TMEM170A: variants seen among roughly 807,000 people sequenced by gnomAD.
TMEM170A encodes the protein transmembrane protein 170.
TMEM170A carries 18 observed loss-of-function variants against 12.8 expected under a neutral mutation model. That is an observed-to-expected ratio of 1.41 (90% CI 0.97 to 2.09). The LOEUF is 2.09. Among genes scored for constraint, TMEM170A ranks in the 30% most tolerant of loss-of-function variants. The probability of loss-of-function intolerance (pLI) is 0.00; values close to 1 mark genes in which losing one functional copy is unlikely to be tolerated. For missense variants in TMEM170A, 220 were observed against 179.9 expected (o/e 1.22, Z -1.28); for synonymous variants, 107 against 76.2 (o/e 1.40, Z -2.11).
chr16:75,449,403 C>A (rs2079642297), intron 2 of TMEM170A, among the ~76,000 whole-genome samples: 1 of 151,984 alleles, frequency 6.6e-6, no homozygotes, highest in Non-Finnish European at 1.5e-5. Flanking sequence ...TCATGGCTCC[C>A]TGCAGCCTCA....
At position 75,447,463 on chromosome 16, in the gene TMEM170A, C is replaced by T; in HGVS notation, c.*95G>A. 1 of 1,342,178 alleles carries T rather than the reference C, an allele frequency of 7.5e-7. No homozygotes were observed. Among genetic ancestry groups the T allele is most frequent in the Non-Finnish European group, 9.8e-7 (1 of 1,024,144 alleles). The allele number at this position is 1,342,178 out of a possible 1,614,324, so 83.1% of individuals were successfully genotyped here. A position where few individuals can be genotyped will look rare whatever the true frequency, so the allele number is the denominator to read the frequency against. On this transcript the variant is annotated 3_prime_UTR_variant, in exon 3 of 3. Transcript: ENST00000561878. Reference sequence around the variant, plus strand: ...TGTTCCTGTTCATCCAAGTTGCTTCCCTTTGAAGAACTAAGAAAACACTAC... The same window carrying T: ...TGTTCCTGTTCATCCAAGTTGCTTCTCTTTGAAGAACTAAGAAAACACTAC...
intron 1 of TMEM170A, among the ~76,000 whole-genome samples, chr16:75,454,628 CCGTCTCAAAAAAATAAAAGAG>C (rs975242336): frequency 6.6e-6 from 1 of 152,028 alleles, no homozygotes; most frequent in African/African-American, 2.4e-5. Flanking sequence ...GAATGACACT[CCGTCTCAAAAAAATAAAAGAG>C]CAATGACAGT....
rs1540 is a variant in TMEM170A at position 75,447,287 on chromosome 16, G to C, written c.*271C>G. The stretch of plus-strand genomic sequence containing the variant: ...CCAGAGACACTGTTGACTTGGCTTG[G>C]GTAAAGGTACACATGAAAACTGCTT... On this transcript the variant is annotated 3_prime_UTR_variant, in exon 3 of 3. Coordinates refer to ENST00000561878, the MANE Select transcript of TMEM170A (RefSeq NM_145254.3). 0.15 allele frequency: 36,613 copies of C among 239,568 alleles called. 3,123 individuals carry two copies. The highest frequency in any genetic ancestry group is 0.37 in the East Asian group (4,416 of 11,894). 14.8% of individuals were successfully genotyped at this position (239,568 alleles called of 1,614,324 possible). A position where few individuals can be genotyped will look rare whatever the true frequency, so the allele number is the denominator to read the frequency against.
intron 1 of TMEM170A, among the ~76,000 whole-genome samples, chr16:75,454,401 G>T (rs147451099): frequency 4.6e-5 from 7 of 152,018 alleles, no homozygotes; most frequent in African/African-American, 1.7e-4. Flanking sequence ...GGCTAATCAC[G>T]AGGTCAGGAG....
intron 1 of TMEM170A, among the ~76,000 whole-genome samples, chr16:75,456,063 A>C (rs929016943): frequency 1.3e-5 from 2 of 152,192 alleles, no homozygotes; most frequent in African/African-American, 2.4e-5. Flanking sequence ...TCTTGTTGAG[A>C]AGCTGGATTT....
At chr16:75,450,244 G>C (rs530463373) in intron 2 of TMEM170A, among the ~76,000 whole-genome samples, 1 of 149,094 alleles carries the variant, frequency 6.7e-6, no homozygotes, top group Non-Finnish European at 1.5e-5. Context: ...TTGATGCTAA[G>C]GTTTCAATTC....
intron 1 of TMEM170A, chr16:75,458,655 A>C (rs1194883542): frequency 6.6e-6 from 1 of 152,176 alleles, no homozygotes; most frequent in Admixed American, 6.5e-5. Flanking sequence ...CCCAATTTGG[A>C]CTTCTGACCT....
intron 1 of TMEM170A, among the ~76,000 whole-genome samples, chr16:75,461,705 G>A (rs575228748): frequency 6.6e-6 from 1 of 152,258 alleles, no homozygotes; most frequent in South Asian, 2.1e-4. Context: ...ATCTACTTGG[G>A]GTCAAGGGCT....
Position 75,464,552 on chromosome 16 carries a change from G to A in TMEM170A, c.49C>T (p.Gln17Ter). The change falls in exon 1 of 3, where the codon CAG (glutamine) becomes TAG (stop). Residue 17 changes from glutamine (Q) to a stop codon, truncating the protein, a stop_gained. Transcript: ENST00000561878. LOFTEE classifies it high-confidence loss of function. Reference protein sequence around the residue: ...GGSGGSAGLLQQILSLKVVPR... With the variant: ...GGSGGSAGLL ...ACAACCTTCAGGCTCAGGATCTGCT[G>A]CAGGAGCCCGGCCGACCCGCCGCTG... 7 of 1,588,306 alleles carry A rather than the reference G, an allele frequency of 4.4e-6. No individual in the cohort carries two copies. Among genetic ancestry groups the A allele is most frequent in the South Asian group, 1.1e-5 (1 of 88,274 alleles).
At chr16:75,453,338 G>T (rs572302668) in intron 1 of TMEM170A, among the ~76,000 whole-genome samples, 5 of 152,182 alleles carry the variant, frequency 3.3e-5, no homozygotes, top group Admixed American at 6.5e-5. Context: ...AGAGGCTGAG[G>T]TGGGAGGATT....
At position 75,447,439 on chromosome 16, in the gene TMEM170A, G is replaced by T; in HGVS notation, c.*119C>A. The T allele has an allele frequency of 8.6e-7, 1 of 1,157,554 alleles. No homozygotes were observed. The allele number at this position is 1,157,554 out of a possible 1,614,324, so 71.7% of individuals were successfully genotyped here. On this transcript the variant is annotated 3_prime_UTR_variant, in exon 3 of 3. Coordinates refer to ENST00000561878, the MANE Select transcript of TMEM170A (RefSeq NM_145254.3). ...AAGGCTGAGATGTGTTGTCCTTCAT[G>T]TTCCTGTTCATCCAAGTTGCTTCCC...
Position 75,445,379 on chromosome 16 carries a change from G to T in TMEM170A, c.*2179C>A, listed in dbSNP as rs35683383. 0.52 allele frequency: 78,474 copies of T among 152,096 alleles called. 21,134 individuals are homozygous for T. Among genetic ancestry groups the T allele is most frequent in the Admixed American group, 0.63 (9,671 of 15,284 alleles). 9.4% of individuals were successfully genotyped at this position (152,096 alleles called of 1,614,324 possible). On this transcript the variant is annotated 3_prime_UTR_variant, in exon 3 of 3. Transcript: ENST00000561878. Reference sequence around the variant, plus strand: ...AGCTGGAGTTCAGTGGCGTGGTCTCGGCTCACAGCAGCCTGAACCTCCCAG... The same window carrying T: ...AGCTGGAGTTCAGTGGCGTGGTCTCTGCTCACAGCAGCCTGAACCTCCCAG...
Position 75,464,463 on chromosome 16 carries a change from C to T in TMEM170A, c.133+5G>A. ...CGCAGTGCGCAGGCGCGGGGCGGGC[C>T]GTACCTGGGAAGGAGCAGAGGGAAG... On this transcript the variant is annotated splice_donor_5th_base_variant and intron_variant, in intron 1 of 2. Coordinates refer to ENST00000561878, the MANE Select transcript of TMEM170A (RefSeq NM_145254.3). 2 of 1,494,918 alleles carry T rather than the reference C, an allele frequency of 1.3e-6. No individual in the cohort carries two copies. Among genetic ancestry groups the T allele is most frequent in the South Asian group, 1.3e-5 (1 of 78,842 alleles). The allele number at this position is 1,494,918 out of a possible 1,614,324, so 92.6% of individuals were successfully genotyped here.
Position 75,454,001 on chromosome 16 carries a change from G to C in TMEM170A, c.134-2162C>G, listed in dbSNP as rs545648374. 6.6e-3 allele frequency among the ~76,000 whole-genome samples: 1,003 copies of C among 152,356 alleles called. 11 individuals carry two copies. The highest frequency in any genetic ancestry group is 0.017 in the Middle Eastern group (5 of 294). ...TCCAGCTACCCACAGGGAGGGACTG[G>C]CGGTGACACATTAGATAAAACCCAC... is the stretch of plus-strand genomic sequence containing the variant. On this transcript the variant is annotated intron_variant, in intron 1 of 2. Transcript: ENST00000561878.
At position 75,447,217 on chromosome 16, in the gene TMEM170A, G is replaced by A. The variant is rs1483152231; in HGVS notation, c.*341C>T. On this transcript the variant is annotated 3_prime_UTR_variant, in exon 3 of 3. Coordinates refer to ENST00000561878, the MANE Select transcript of TMEM170A (RefSeq NM_145254.3). ...CTTCCACGGTTTCTTCAAAATATGC[G>A]ACATCTCACAGAATACTGTAAATTT... The A allele has an allele frequency of 4.2e-5, 7 of 166,624 alleles. No individual in the cohort carries two copies. Among genetic ancestry groups the A allele is most frequent in the Admixed American group, 3.2e-4 (5 of 15,718 alleles). The allele number at this position is 166,624 out of a possible 1,614,324, so 10.3% of individuals were successfully genotyped here.
chr16:75,458,850 G>T (rs1410327140), intron 1 of TMEM170A: 1 of 152,054 alleles, frequency 6.6e-6, no homozygotes, highest in African/African-American at 2.4e-5. Context: ...TACCCTAAAA[G>T]ATATTTGAGG....
At chr16:75,451,429 G>A (rs554968320) in intron 2 of TMEM170A, 1 of 600,372 alleles carries the variant, frequency 1.7e-6, no homozygotes, top group African/African-American at 1.9e-5. Flanking sequence ...CACCCCTGTA[G>A]TCCAAGCTTC....
At chr16:75,458,629 T>G (rs1415737454) in intron 1 of TMEM170A, 3 of 152,180 alleles carry the variant, frequency 2.0e-5, no homozygotes, top group African/African-American at 7.2e-5. Flanking sequence ...TAAACCTTGG[T>G]TTTAGCCCAC....
intron 2 of TMEM170A, among the ~76,000 whole-genome samples, chr16:75,447,915 A>C (rs1386825698): frequency 6.6e-6 from 1 of 152,208 alleles, no homozygotes; most frequent in Non-Finnish European, 1.5e-5. Context: ...TGACTCCTTA[A>C]AACCCAGAGT....
Sources: gnomAD v4.1 joint callset for allele counts (sites outside exome capture counted in the v4.1 genomes callset) on GRCh38, gnomAD v4.1.1 for gene constraint, MANE v1.5 for transcripts, NCBI Gene and HGNC (gene_info 2026-07-23, HGNC 2026-07-21) for gene names.